The following ANKRD13D variants were observed in gnomAD, a reference collection of about 807,000 sequenced individuals.
ANKRD13D encodes ankyrin repeat domain 13D.
A neutral mutation model predicts 68.8 loss-of-function variants in ANKRD13D; 24 were observed. The ratio of observed to expected loss-of-function variants is 0.35; its 90% CI spans 0.25 to 0.49. The LOEUF (loss-of-function observed/expected upper bound fraction) is 0.49, where lower values mean the gene tolerates loss of function less well. ANKRD13D is among the 20% of genes least tolerant of loss of function. The pLI, the probability that ANKRD13D is intolerant of heterozygous loss-of-function variation, is 0.99. For synonymous variants in ANKRD13D, 331 were observed against 336.1 expected, an observed-to-expected ratio of 0.98 and a Z score of 0.16; for missense variants, 735 against 832.1, an observed-to-expected ratio of 0.88 and a Z score of 1.44.
Position 67,299,474 on chromosome 11 carries a change from C to G in ANKRD13D, c.799-56C>G. The G allele has an allele frequency of 7.0e-7, 1 of 1,431,160 alleles. No individual in the cohort carries two copies. The highest frequency in any genetic ancestry group is 9.6e-7 in the Non-Finnish European group (1 of 1,041,516). The allele number at this position is 1,431,160 out of a possible 1,614,324, so 88.7% of individuals were successfully genotyped here. On this transcript the variant is annotated intron_variant, in intron 7 of 14. Coordinates refer to ENST00000511455, the MANE Select transcript of ANKRD13D (RefSeq NM_207354.3). This position sits in a 1 kb window ranked among gnomAD's most constrained non-coding sequence, Gnocchi z 6.2. ...GGACCTGGGTTCTGCACTGGTGAGG[C>G]TGAGTGTGGGGAGCAGGCTCTGAGC...
At position 67,300,479 on chromosome 11, in the gene ANKRD13D, C is replaced by G. The variant is rs1353976161; in HGVS notation, c.1073+356C>G. The G allele has an allele frequency of 3.0e-6, 1 of 337,984 alleles. No individual in the cohort carries two copies. Among genetic ancestry groups the G allele is most frequent in the Non-Finnish European group, 5.5e-6 (1 of 182,330 alleles). 20.9% of individuals were successfully genotyped at this position (337,984 alleles called of 1,614,324 possible). A position where few individuals can be genotyped will look rare whatever the true frequency, so the allele number is the denominator to read the frequency against. The stretch of plus-strand genomic sequence containing the variant: ...TGGAACAGAACAGTTACGCTCTTGC[C>G]TCGTGAGGAGCCTTGAGCAGGTATA... On this transcript the variant is annotated intron_variant, in intron 10 of 14. Coordinates refer to ENST00000511455, the MANE Select transcript of ANKRD13D (RefSeq NM_207354.3). The surrounding 1 kb of genome is among the most constrained non-coding windows in gnomAD (Gnocchi z 4.3).
rs557660112 is a variant in ANKRD13D, at chr11:67,300,543, G to A, written c.1073+420G>A. 1.2e-4 allele frequency: 39 copies of A among 338,462 alleles called. No individual in the cohort carries two copies. Among genetic ancestry groups the A allele is most frequent in the African/African-American group, 6.7e-4 (32 of 47,694 alleles). The allele number at this position is 338,462 out of a possible 1,614,324, so 21.0% of individuals were successfully genotyped here. A position where few individuals can be genotyped will look rare whatever the true frequency, so the allele number is the denominator to read the frequency against. ...GGCACAGTGCCTGCACAAGCCTAGC[G>A]CTCTCCCCACCATCTCAGGAGGATT... On this transcript the variant is annotated intron_variant, in intron 10 of 14. Coordinates refer to ENST00000511455, the MANE Select transcript of ANKRD13D (RefSeq NM_207354.3). This position sits in a 1 kb window ranked among gnomAD's most constrained non-coding sequence, Gnocchi z 4.3.
At chr11:67,292,344 G>T (rs546070128) in intron 6 of ANKRD13D, among the ~76,000 whole-genome samples, 164 bp downstream of exon 6, 13 of 152,358 alleles carry the variant, frequency 8.5e-5, no homozygotes, top group Middle Eastern at 3.4e-3. Flanking sequence ...GTCTCACTCA[G>T]ACTGCCGGGG....
Position 67,300,184 on chromosome 11 carries a change from C to G in ANKRD13D, c.1073+61C>G. The G allele has an allele frequency of 6.2e-7, 1 of 1,602,380 alleles. No homozygotes were observed. Among genetic ancestry groups the G allele is most frequent in the Non-Finnish European group, 8.5e-7 (1 of 1,173,290 alleles). On this transcript the variant is annotated intron_variant, in intron 10 of 14. Coordinates refer to ENST00000511455, the MANE Select transcript of ANKRD13D (RefSeq NM_207354.3). The surrounding 1 kb of genome is among the most constrained non-coding windows in gnomAD (Gnocchi z 4.3). ...GACAAGGGCTCTTGCAGACCCCTCT[C>G]TGGGCCTGTCATAGTTAGGGACCCA...
In ANKRD13D at chr11:67,299,235, T is replaced by TTGTGGGAACTC. The variant is rs1456215125; in HGVS notation, c.798+112_798+122dup. ...CCTGGGCTCTGGAAACCCTGAGCAT[T>TTGTGGGAACTC]TGTGGGAACTCAGCGGGCCTGAGTG... is the stretch of plus-strand genomic sequence containing the variant. On this transcript the variant is annotated intron_variant, in intron 7 of 14. Transcript: ENST00000511455. The surrounding 1 kb of genome is among the most constrained non-coding windows in gnomAD (Gnocchi z 6.2). 2.2e-6 allele frequency: 3 copies of TTGTGGGAACTC among 1,370,186 alleles called. No homozygotes were observed. Among genetic ancestry groups the TTGTGGGAACTC allele is most frequent in the Non-Finnish European group, 3.1e-6 (3 of 973,528 alleles). The allele number at this position is 1,370,186 out of a possible 1,614,324, so 84.9% of individuals were successfully genotyped here.
chr11:67,295,122 T>G (rs1324746161), intron 6 of ANKRD13D, among the ~76,000 whole-genome samples: 1 of 152,178 alleles, frequency 6.6e-6, no homozygotes, highest in Non-Finnish European at 1.5e-5. Flanking sequence ...GAATATTGAT[T>G]AAAGGTTGTT....
chr11:67,301,945 C>T lies in ANKRD13D; in HGVS notation c.1604+122C>T. 1.5e-6 allele frequency: 2 copies of T among 1,334,782 alleles called. No homozygotes were observed. Among genetic ancestry groups the T allele is most frequent in the South Asian group, 1.5e-5 (1 of 67,340 alleles). The allele number at this position is 1,334,782 out of a possible 1,614,324, so 82.7% of individuals were successfully genotyped here. ...GCAAGGCCACCCTCTGTCAGCAGCG[C>T]TATCTGCCACCAAAGGTGGTGTGAG... On this transcript the variant is annotated intron_variant, in intron 14 of 14. Transcript: ENST00000511455. This position sits in a 1 kb window ranked among gnomAD's most constrained non-coding sequence, Gnocchi z 4.5.
In ANKRD13D at chr11:67,301,301, G is replaced by A. The variant is rs367623089; in HGVS notation, c.1251G>A (p.Val417=). ...PVKIEIPLFH[V]LNARITFSNL... ...TCACAGAGATTCCCCTTTTCCACGTGCTCAATGCCCGCATCACCTTCAGCA... is the reference window on the plus strand; with the variant it reads ...TCACAGAGATTCCCCTTTTCCACGTACTCAATGCCCGCATCACCTTCAGCA... Residue 417 remains valine, a synonymous_variant, in exon 12 of 15, where the codon GTG becomes GTA. Transcript: ENST00000511455. The surrounding 1 kb of genome is among the most constrained non-coding windows in gnomAD (Gnocchi z 4.5). 146 of 1,612,824 alleles carry A rather than the reference G, an allele frequency of 9.1e-5. No homozygotes were observed. Among genetic ancestry groups the A allele is most frequent in the Non-Finnish European group, 1.1e-4 (130 of 1,179,450 alleles).
At position 67,296,401 on chromosome 11, in the gene ANKRD13D, A is replaced by G. The variant is rs1010470954; in HGVS notation, c.732-2657A>G. On this transcript the variant is annotated intron_variant, in intron 6 of 14. Coordinates refer to ENST00000511455, the MANE Select transcript of ANKRD13D (RefSeq NM_207354.3). ...TAGTTTTTTGTTGTTATATTTACCAATCAGTCTCTTGACTTGTTATCCATC... is the reference window on the plus strand; with the variant it reads ...TAGTTTTTTGTTGTTATATTTACCAGTCAGTCTCTTGACTTGTTATCCATC... Among the ~76,000 whole-genome samples the G allele has an allele frequency of 9.9e-5, 15 of 151,686 alleles. No individual in the cohort carries two copies. The East Asian group carries it at 1.5e-3, about 16-fold the overall frequency.
chr11:67,301,229 C>G lies in ANKRD13D; in HGVS notation c.1232-53C>G. On this transcript the variant is annotated intron_variant, in intron 11 of 14. Coordinates refer to ENST00000511455, the MANE Select transcript of ANKRD13D (RefSeq NM_207354.3). The surrounding 1 kb of genome is among the most constrained non-coding windows in gnomAD (Gnocchi z 4.5). ...GCAGTCCCTGGAGAGCTGCAGGGGC[C>G]GGAGGCACAGGTGGCTCTCCGCCAG... is the stretch of plus-strand genomic sequence containing the variant. 1 of 1,595,404 alleles carries G rather than the reference C, an allele frequency of 6.3e-7. No individual in the cohort carries two copies. The highest frequency in any genetic ancestry group is 1.7e-4 in the Middle Eastern group (1 of 5,984).
intron 3 of ANKRD13D, 147 bp downstream of exon 3, chr11:67,290,593 C>T: frequency 7.8e-7 from 1 of 1,275,858 alleles, no homozygotes; most frequent in Admixed American, 2.8e-5. Flanking sequence ...TGACCCCAGC[C>T]CAGGGTCACG....
intron 6 of ANKRD13D, among the ~76,000 whole-genome samples, chr11:67,294,106 G>A (rs1199721336): frequency 1.6e-4 from 25 of 152,146 alleles, no homozygotes; most frequent in Admixed American, 1.6e-3. Context: ...CTGTCTTTAT[G>A]CCAATATTAT....
chr11:67,301,795 G>A lies in ANKRD13D; in HGVS notation c.1576G>A (p.Val526Ile). The change falls in exon 14 of 15, where the codon GTT (valine) becomes ATT (isoleucine). Residue 526 changes from valine to isoleucine, a missense_variant. Physicochemically the swap from Val to Ile is conservative, Grantham distance 29. Coordinates refer to ENST00000511455, the MANE Select transcript of ANKRD13D (RefSeq NM_207354.3). The surrounding 1 kb of genome is among the most constrained non-coding windows in gnomAD (Gnocchi z 4.5). Reference protein sequence around the residue: ...PGARPPPQATVYEEQLQLERA... With the variant: ...PGARPPPQATIYEEQLQLERA... Reference sequence around the variant, plus strand: ...TGCCCGCCCTCCTCCCCAGGCCACGGTTTATGAGGAACAGCTTCAGCTGGA... The same window carrying A: ...TGCCCGCCCTCCTCCCCAGGCCACGATTTATGAGGAACAGCTTCAGCTGGA... 1 of 1,606,972 alleles carries A rather than the reference G, an allele frequency of 6.2e-7. No homozygotes were observed. Among genetic ancestry groups the A allele is most frequent in the Middle Eastern group, 1.7e-4 (1 of 6,048 alleles).
chr11:67,289,356 G>C lies in ANKRD13D; in HGVS notation c.-105G>C. ...CCGCCGCCGCCGCCGCTACTGCTGCGGGGGCCGCGGGGGGCGCAGCTGGGG... is the reference window on the plus strand; with the variant it reads ...CCGCCGCCGCCGCCGCTACTGCTGCCGGGGCCGCGGGGGGCGCAGCTGGGG... On this transcript the variant is annotated 5_prime_UTR_variant, in exon 1 of 15. Coordinates refer to ENST00000511455, the MANE Select transcript of ANKRD13D (RefSeq NM_207354.3). The C allele has an allele frequency of 1.3e-6, 1 of 793,378 alleles. No homozygotes were observed. The highest frequency in any genetic ancestry group is 1.6e-6 in the Non-Finnish European group (1 of 629,004). 49.1% of individuals were successfully genotyped at this position (793,378 alleles called of 1,614,324 possible). A position where few individuals can be genotyped will look rare whatever the true frequency, so the allele number is the denominator to read the frequency against.
At chr11:67,291,393 G>A in intron 3 of ANKRD13D, 83 bp from the exon 4 acceptor site, 1 of 1,455,596 alleles carries the variant, frequency 6.9e-7, no homozygotes, top group Non-Finnish European at 9.4e-7. Context: ...TGAAGGGCTG[G>A]GCTGGCTGTG....
Position 67,299,742 on chromosome 11 carries a change from C to A in ANKRD13D, c.881-85C>A. On this transcript the variant is annotated intron_variant, in intron 8 of 14. Coordinates refer to ENST00000511455, the MANE Select transcript of ANKRD13D (RefSeq NM_207354.3). This position sits in a 1 kb window ranked among gnomAD's most constrained non-coding sequence, Gnocchi z 6.2. ...CCATTCCCGTCTGACCCCTCTTCCCCCAGACAGTAGGCTCCAGGGGTGGAG... is the reference window on the plus strand; with the variant it reads ...CCATTCCCGTCTGACCCCTCTTCCCACAGACAGTAGGCTCCAGGGGTGGAG... The A allele has an allele frequency of 6.5e-7, 1 of 1,541,620 alleles. No homozygotes were observed. Among genetic ancestry groups the A allele is most frequent in the East Asian group, 2.3e-5 (1 of 44,132 alleles).
chr11:67,302,086 GCCTGTT>G (rs1382658425), intron 14 of ANKRD13D, 27 bp from the exon 15 acceptor site: 1 of 1,510,496 alleles, frequency 6.6e-7, no homozygotes, highest in African/African-American at 1.4e-5. Context: ...GCGCTCACTG[GCCTGTT>G]CTTCCCTCCC....
Position 67,299,933 on chromosome 11 carries a change from C to G in ANKRD13D, c.942+45C>G, listed in dbSNP as rs74885508. On this transcript the variant is annotated intron_variant, in intron 9 of 14. Transcript: ENST00000511455. This position sits in a 1 kb window ranked among gnomAD's most constrained non-coding sequence, Gnocchi z 6.2. ...AGACAGGGCTGGCGGGGGGCCGAGCCTGGGCGGGAGGGCACCCTCTGTCAC... is the reference window on the plus strand; with the variant it reads ...AGACAGGGCTGGCGGGGGGCCGAGCGTGGGCGGGAGGGCACCCTCTGTCAC... 23,543 of 1,569,550 alleles carry G rather than the reference C, an allele frequency of 0.015. 337 individuals carry two copies. Among genetic ancestry groups the G allele is most frequent in the East Asian group, 0.058 (2,588 of 44,398 alleles).
chr11:67,299,998 C>T lies in ANKRD13D; in HGVS notation c.948C>T (p.Pro316=), dbSNP rs111239786. 1.1e-3 allele frequency: 1,798 copies of T among 1,612,640 alleles called. 21 individuals carry two copies. In the African/African-American group the frequency reaches 0.021, roughly 19 times the overall value. ...CCGCCCTGGGACCCACGCAGGCCCC[C>T]GTGCAGCAGGCAGCCAGCCCCACCA... ...AQQHSSHTGA[P]VQQAASPTNP... is the part of the protein sequence containing the mutation. Residue 316 remains proline (P), a synonymous_variant, in exon 10 of 15, where the codon CCC becomes CCT. Transcript: ENST00000511455. The surrounding 1 kb of genome is among the most constrained non-coding windows in gnomAD (Gnocchi z 6.2).
Sources: allele counts gnomAD v4.1 joint callset (sites outside exome capture counted in the v4.1 genomes callset), GRCh38; gene constraint gnomAD v4.1.1; non-coding constraint Gnocchi (gnomAD v3.1); transcripts MANE v1.5; gene names NCBI Gene and HGNC (gene_info 2026-07-23, HGNC 2026-07-21).